Variants in ROBO2 observed in about 807,000 individuals in gnomAD.
ROBO2 encodes roundabout homolog 2.
In ROBO2, 53 loss-of-function variants were observed where a neutral mutation model predicts 160.8. The observed-to-expected ratio is 0.33, with a 90% CI of 0.26 to 0.41. The LOEUF is 0.41. Ranked by LOEUF, ROBO2 falls within the 10% of genes least tolerant of loss-of-function variation. The pLI, the probability that ROBO2 is intolerant of heterozygous loss-of-function variation, is 1.00. For missense variants in ROBO2, 1,577 were observed against 1,722.4 expected (o/e 0.92, Z 1.49); for synonymous variants, 664 against 611.7 (o/e 1.09, Z -1.26).
chr3:76,772,090 T>C (rs187626113), intron 2 of ROBO2, among the ~76,000 whole-genome samples: 1 of 151,448 alleles, frequency 6.6e-6, no homozygotes, highest in African/African-American at 2.4e-5. Flanking sequence ...GCTGATTCTT[T>C]TCAGGGCTGT....
At chr3:77,330,528 C>T (rs1228828470) in intron 2 of ROBO2, among the ~76,000 whole-genome samples, 2 of 151,964 alleles carry the variant, frequency 1.3e-5, no homozygotes, top group African/African-American at 2.4e-5. Context: ...TTTATTTTCT[C>T]CAAAAAGAAA....
intron 2 of ROBO2, among the ~76,000 whole-genome samples, chr3:76,226,098 C>G (rs761734532): frequency 6.6e-5 from 10 of 152,000 alleles, no homozygotes; most frequent in Non-Finnish European, 1.3e-4. Flanking sequence ...TTCAGCAAAC[C>G]CTGAGATTCC....
chr3:76,816,416 T>A (rs533141475), intron 2 of ROBO2, among the ~76,000 whole-genome samples: 7 of 152,054 alleles, frequency 4.6e-5, no homozygotes, highest in Non-Finnish European at 1.0e-4. Flanking sequence ...AAATGCTCCA[T>A]GAATAGGTAT....
chr3:77,024,618 G>A (rs1006574882), intron 2 of ROBO2, among the ~76,000 whole-genome samples: 12 of 152,096 alleles, frequency 7.9e-5, no homozygotes, highest in African/African-American at 2.7e-4. Flanking sequence ...TGGGAGACCC[G>A]ACTCCACACT....
At chr3:76,435,372 A>G (rs2109054498) in intron 2 of ROBO2, 2 of 784,934 alleles carry the variant, frequency 2.5e-6, no homozygotes, top group South Asian at 1.3e-5. Context: ...TGAACAGTTC[A>G]AGACCCTACA....
intron 2 of ROBO2, among the ~76,000 whole-genome samples, chr3:76,378,734 T>C (rs2076473177): frequency 6.6e-6 from 1 of 152,156 alleles, no homozygotes; most frequent in Non-Finnish European, 1.5e-5. Context: ...CTTCAGCTGG[T>C]TCCAAGGAAT....
chr3:76,882,826 A>G (rs1344588096), intron 2 of ROBO2, among the ~76,000 whole-genome samples: 1 of 152,102 alleles, frequency 6.6e-6, no homozygotes, highest in Non-Finnish European at 1.5e-5. Context: ...TGGAAACTCA[A>G]CTCTTGCATA....
intron 2 of ROBO2, among the ~76,000 whole-genome samples, chr3:76,317,091 AT>A (rs1245878383): frequency 6.6e-6 from 1 of 152,206 alleles, no homozygotes. Flanking sequence ...CTTAATTGTT[AT>A]GTGCGTCTGT....
intron 2 of ROBO2, among the ~76,000 whole-genome samples, chr3:76,158,309 C>T (rs540894534): frequency 4.6e-5 from 7 of 152,214 alleles, no homozygotes; most frequent in African/African-American, 1.4e-4. Flanking sequence ...CCTAGGCCCT[C>T]ATTAGCTCTA....
At chr3:75,965,724 A>G (rs1949086118) in intron 2 of ROBO2, among the ~76,000 whole-genome samples, 1 of 151,682 alleles carries the variant, frequency 6.6e-6, no homozygotes, top group African/African-American at 2.4e-5. Context: ...TCGAACATCC[A>G]TATTTTACCA....
chr3:76,481,446 A>G (rs569936795), intron 2 of ROBO2, among the ~76,000 whole-genome samples: 36 of 152,280 alleles, frequency 2.4e-4, no homozygotes, highest in African/African-American at 8.7e-4. Context: ...ATGAGAAGAT[A>G]ATGTGCATAG....
chr3:77,418,688 C>A (rs1215963042), intron 2 of ROBO2, among the ~76,000 whole-genome samples: 1 of 152,168 alleles, frequency 6.6e-6, no homozygotes, highest in Non-Finnish European at 1.5e-5. Flanking sequence ...AAGGCCTAAC[C>A]TGCCTTTTCC....
chr3:77,232,750 G>C (rs1211460389), intron 2 of ROBO2, among the ~76,000 whole-genome samples: 2 of 151,918 alleles, frequency 1.3e-5, no homozygotes, highest in Non-Finnish European at 2.9e-5. Context: ...CTTGTACTTT[G>C]GTAAGTTATA....
intron 2 of ROBO2, among the ~76,000 whole-genome samples, chr3:77,197,047 C>A (rs2082376497): frequency 6.6e-6 from 1 of 151,554 alleles, no homozygotes. Flanking sequence ...TCCAATTGTT[C>A]AAGCAGTCCT....
intron 2 of ROBO2, among the ~76,000 whole-genome samples, chr3:76,773,779 C>A (rs561234122): frequency 1.3e-5 from 2 of 149,982 alleles, no homozygotes; most frequent in African/African-American, 2.4e-5. Flanking sequence ...AGATATCTTA[C>A]GAGCAATCAA....
intron 2 of ROBO2, among the ~76,000 whole-genome samples, chr3:77,457,820 T>G (rs1042693128): frequency 6.6e-6 from 1 of 151,954 alleles, no homozygotes; most frequent in Admixed American, 6.6e-5. Context: ...TGTTAAATAT[T>G]ATATTAATTT....
chr3:76,204,126 A>C (rs972411526), intron 2 of ROBO2, among the ~76,000 whole-genome samples: 8 of 152,174 alleles, frequency 5.3e-5, no homozygotes, highest in African/African-American at 1.9e-4. Context: ...TTTAAACTGC[A>C]CCCATTTGTT....
intron 2 of ROBO2, among the ~76,000 whole-genome samples, chr3:77,275,512 C>T (rs2059769984): frequency 6.6e-6 from 1 of 152,144 alleles, no homozygotes; most frequent in African/African-American, 2.4e-5. Context: ...TACTCTGCCT[C>T]TTTAATTTAT....
chr3:77,529,954 C>T (rs762781682), intron 6 of ROBO2, among the ~76,000 whole-genome samples: 1 of 151,776 alleles, frequency 6.6e-6, no homozygotes, highest in Non-Finnish European at 1.5e-5. Context: ...CTTCTTACAT[C>T]AATTTTAATT....
Sources: allele counts gnomAD v4.1 joint callset (sites outside exome capture counted in the v4.1 genomes callset), GRCh38; gene constraint gnomAD v4.1.1; transcripts MANE v1.5; gene names NCBI Gene and HGNC (gene_info 2026-07-23, HGNC 2026-07-21).